The following MORC3 variants were observed in gnomAD, a reference collection of about 807,000 sequenced individuals.
MORC3 encodes the protein MORC family CW-type zinc finger protein 3.
Under a neutral mutation model 109.1 loss-of-function variants are expected in MORC3, and 31 were observed. That is an observed-to-expected ratio of 0.28 (90% CI 0.21 to 0.38). MORC3 has a LOEUF of 0.38. MORC3 is among the 10% of genes least tolerant of loss of function. The probability of loss-of-function intolerance (pLI) is 1.00; values close to 1 mark genes in which losing one functional copy is unlikely to be tolerated. For missense variants in MORC3, 867 were observed against 1,135.8 expected, an observed-to-expected ratio of 0.76 and a Z score of 3.40; for synonymous variants, 395 against 380.7, an observed-to-expected ratio of 1.04 and a Z score of -0.44.
At chr21:36,343,000 CAA>C (rs1192515548) in intron 6 of MORC3, among the ~76,000 whole-genome samples, 2 of 151,254 alleles carry the variant, frequency 1.3e-5, no homozygotes, top group African/African-American at 2.4e-5. Flanking sequence ...GCCTGGGCAA[CAA>C]GAGTGAAACT....
At chr21:36,341,378 T>A in intron 5 of MORC3, 21 bp from the exon 6 acceptor site, 1 of 1,593,168 alleles carries the variant, frequency 6.3e-7, no homozygotes, top group Non-Finnish European at 8.5e-7. Flanking sequence ...TTTTGGTTCT[T>A]TCTAAAAATT....
At position 36,369,552 on chromosome 21, in the gene MORC3, A is replaced by G. The variant is rs1569109957; in HGVS notation, c.2184A>G (p.Gln728=). Residue 728 remains glutamine (Q), a synonymous_variant, in exon 15 of 17, where the codon CAA becomes CAG. Transcript: ENST00000400485. ...TTACTGATCAAATCAAAGTGTTACAACAGAGGATACTAGAAATGAATGACA... is the reference window on the plus strand; with the variant it reads ...TTACTGATCAAATCAAAGTGTTACAGCAGAGGATACTAGAAATGAATGACA... ...HMFTDQIKVL[Q]QRILEMNDKY... is the part of the protein sequence containing the mutation. 3 of 1,614,230 alleles carry G rather than the reference A, an allele frequency of 1.9e-6. No individual in the cohort carries two copies. Among genetic ancestry groups the G allele is most frequent in the Non-Finnish European group, 1.7e-6 (2 of 1,180,040 alleles).
chr21:36,320,224 G>C lies in MORC3; in HGVS notation c.-41G>C, dbSNP rs924356357. ...AGTCGTTCCGCCACCTCCCAGTCGG[G>C]TTGCGGCGGAGGCCGTTCCTGGCTT... On this transcript the variant is annotated 5_prime_UTR_variant, in exon 1 of 17. Coordinates refer to ENST00000400485, the MANE Select transcript of MORC3 (RefSeq NM_015358.3). 6.4e-7 allele frequency: 1 copy of C among 1,567,346 alleles called. No homozygotes were observed. Among genetic ancestry groups the C allele is most frequent in the African/African-American group, 1.4e-5 (1 of 73,648 alleles).
In MORC3 at chr21:36,358,480, A is replaced by C. The variant is rs1195666208; in HGVS notation, c.1209-1475A>C. On this transcript the variant is annotated intron_variant, in intron 10 of 16. Transcript: ENST00000400485. The stretch of plus-strand genomic sequence containing the variant: ...TGTAAAATAAGTCTACATAGGCTGT[A>C]TCCAGTGGGTCACGCCTGTAATCCC... Among the ~76,000 whole-genome samples, 3 of 151,982 alleles carry C rather than the reference A, an allele frequency of 2.0e-5. No homozygotes were observed. In the East Asian group the frequency reaches 5.9e-4, roughly 30 times the overall value.
At position 36,375,281 on chromosome 21, in the gene MORC3, A is replaced by G. The variant is rs374056364; in HGVS notation, c.2805A>G (p.Glu935=). 49 of 1,612,228 alleles carry G rather than the reference A, an allele frequency of 3.0e-5. No homozygotes were observed. The African/African-American group carries it at 6.5e-4, about 21-fold the overall frequency. The stretch of plus-strand genomic sequence containing the variant: ...GACAAGTTGTTGAACAAATGAGTGA[A>G]ATCAGTAGTACTTAAAGTATATGTT... ...ILGQVVEQMS[E]ISST The change falls in exon 17 of 17, where the codon GAA becomes GAG. Residue 935 remains glutamate, a synonymous_variant. Coordinates refer to ENST00000400485, the MANE Select transcript of MORC3 (RefSeq NM_015358.3).
At chr21:36,328,906 T>TAAAA (rs111399017) in intron 1 of MORC3, among the ~76,000 whole-genome samples, 4 of 139,236 alleles carry the variant, frequency 2.9e-5, no homozygotes, top group Admixed American at 1.4e-4. Context: ...GCTGATGAGG[T>TAAAA]AAAAAAAAAA....
chr21:36,359,594 C>T lies in MORC3; in HGVS notation c.1209-361C>T, dbSNP rs374135105. Among the ~76,000 whole-genome samples the T allele has an allele frequency of 7.9e-5, 8 of 100,920 alleles. No homozygotes were observed. The East Asian group carries it at 1.7e-3, about 21-fold the overall frequency. The allele number at this position is 100,920 out of a possible 152,430, so 66.2% of individuals were successfully genotyped here. ...TTTTTTTTTTTTTGACAGGATCTTA[C>T]TCTGTAGCCTAGGCTGGAGGTCAGT... is the stretch of plus-strand genomic sequence containing the variant. On this transcript the variant is annotated intron_variant, in intron 10 of 16. Transcript: ENST00000400485.
intron 1 of MORC3, among the ~76,000 whole-genome samples, chr21:36,325,324 G>A (rs116126120): frequency 6.6e-6 from 1 of 152,188 alleles, no homozygotes; most frequent in South Asian, 2.1e-4. Context: ...TCCCAAGGAG[G>A]AATTCTACGT....
At chr21:36,333,789 G>GTTTTTTTTTTTTT (rs376936555) in intron 2 of MORC3, 71 bp downstream of exon 2, 1 of 805,376 alleles carries the variant, frequency 1.2e-6, no homozygotes, top group Non-Finnish European at 1.7e-6. Context: ...GTTTTGTTTT[G>GTTTTTTTTTTTTT]TTTTTTTTTT....
At chr21:36,364,339 T>C (rs776628329) in intron 14 of MORC3, 80 bp downstream of exon 14, 194 of 1,409,962 alleles carry the variant, frequency 1.4e-4, no homozygotes, top group Non-Finnish European at 1.8e-4. Flanking sequence ...AGTGATGCAA[T>C]TCGGGATCAT....
At chr21:36,321,457 A>G (rs892410836) in intron 1 of MORC3, among the ~76,000 whole-genome samples, 2 of 151,864 alleles carry the variant, frequency 1.3e-5, no homozygotes, top group African/African-American at 4.8e-5. Context: ...CGTATTCTGG[A>G]TAAAGGTCCA....
intron 1 of MORC3, among the ~76,000 whole-genome samples, chr21:36,330,126 C>T (rs1486430554): frequency 2.0e-5 from 3 of 152,106 alleles, no homozygotes; most frequent in African/African-American, 4.8e-5. Context: ...CCTCCCAAAG[C>T]GCTGGGATTA....
chr21:36,332,047 A>G (rs933980070), intron 1 of MORC3, among the ~76,000 whole-genome samples: 5 of 151,918 alleles, frequency 3.3e-5, no homozygotes, highest in Admixed American at 6.6e-5. Flanking sequence ...AGGCTGAGGG[A>G]GGAGAATCAC....
rs889632633 is a variant in MORC3, at chr21:36,369,176, T to C, written c.1808T>C (p.Val603Ala). The C allele has an allele frequency of 6.2e-7, 1 of 1,613,972 alleles. No individual in the cohort carries two copies. The highest frequency in any genetic ancestry group is 1.3e-5 in the African/African-American group (1 of 74,880). The change falls in exon 15 of 17, where the codon GTT becomes GCT. Residue 603 changes from valine (V) to alanine (A), a missense_variant. Physicochemically the swap from Val to Ala is moderately conservative, Grantham distance 64 (BLOSUM62 0). Coordinates refer to ENST00000400485, the MANE Select transcript of MORC3 (RefSeq NM_015358.3). ...GACATGAAATCAGAACAGAGTCACGTTGAGCAAGGTGGTGTTCAGGTTGAG... is the reference window on the plus strand; with the variant it reads ...GACATGAAATCAGAACAGAGTCACGCTGAGCAAGGTGGTGTTCAGGTTGAG... ...DIDMKSEQSHVEQGGVQVEFV... is the reference protein window; with the variant it reads ...DIDMKSEQSHAEQGGVQVEFV...
In MORC3 at chr21:36,364,275, T is replaced by TGAC. The variant is rs769673877; in HGVS notation, c.1619+17_1619+18insACG. The stretch of plus-strand genomic sequence containing the variant: ...AGAGCAACAGGTCAGTGGCTAAGAT[T>TGAC]GGTTTTCCATTTGGGGAATATTAAA... On this transcript the variant is annotated intron_variant, in intron 14 of 16. Transcript: ENST00000400485. 3.7e-6 allele frequency: 6 copies of TGAC among 1,609,638 alleles called. No homozygotes were observed. In the African/African-American group the frequency reaches 8.0e-5, roughly 22 times the overall value.
chr21:36,337,983 A>G, intron 4 of MORC3, 37 bp downstream of exon 4: 2 of 1,593,360 alleles, frequency 1.3e-6, no homozygotes, highest in Non-Finnish European at 1.7e-6. Context: ...CTGTGGAGAA[A>G]CTGAAGAAAT....
intron 5 of MORC3, among the ~76,000 whole-genome samples, chr21:36,339,751 T>G (rs1184867387): frequency 6.6e-6 from 1 of 152,214 alleles, no homozygotes; most frequent in African/African-American, 2.4e-5. Flanking sequence ...TAAGACATAC[T>G]GAATCACAGG....
At chr21:36,372,034 A>C (rs892096070) in intron 15 of MORC3, among the ~76,000 whole-genome samples, 1 of 151,988 alleles carries the variant, frequency 6.6e-6, no homozygotes, top group Non-Finnish European at 1.5e-5. Context: ...GCTGGTCTTA[A>C]ACTCCTGATC....
chr21:36,323,457 A>G (rs886221025), intron 1 of MORC3, among the ~76,000 whole-genome samples: 1 of 152,212 alleles, frequency 6.6e-6, no homozygotes, highest in Non-Finnish European at 1.5e-5. Context: ...TAGGTGCACA[A>G]TAATGTTTGC....
Sources: allele counts gnomAD v4.1 joint callset (sites outside exome capture counted in the v4.1 genomes callset), GRCh38; gene constraint gnomAD v4.1.1; transcripts MANE v1.5; gene names NCBI Gene and HGNC (gene_info 2026-07-23, HGNC 2026-07-21).